Variants in SH3TC1 observed in about 807,000 individuals in gnomAD.
SH3TC1 encodes the protein SH3 domain and tetratricopeptide repeat-containing protein 1.
In SH3TC1, 135 loss-of-function variants were observed where a neutral mutation model predicts 117.3. The observed-to-expected ratio is 1.15, with a 90% CI of 1.00 to 1.33. SH3TC1 has a LOEUF of 1.33. SH3TC1 is among the 40% of genes most tolerant of loss of function. SH3TC1 has a pLI of 0.00. For synonymous variants in SH3TC1, 898 were observed against 816.9 expected (o/e 1.10, Z -1.69); for missense variants, 2,092 against 1,794.3 (o/e 1.17, Z -3.00).
In SH3TC1 at chr4:8,190,048, G is replaced by A. The variant is rs1033190864; in HGVS notation, c.-57+7838G>A. On this transcript the variant is annotated intron_variant, in intron 1 of 16. Transcript: ENST00000508641. This position sits in a 1 kb window ranked among gnomAD's most constrained non-coding sequence, Gnocchi z 4.7. ...GAGCGCGGCGTGGGTGCGTTGATGC[G>A]AGGCCAGGAAGTAGGGCCTGGAAAG... 4.6e-5 allele frequency among the ~76,000 whole-genome samples: 7 copies of A among 152,218 alleles called. No homozygotes were observed. Among genetic ancestry groups the A allele is most frequent in the Non-Finnish European group, 8.8e-5 (6 of 68,036 alleles).
intron 8 of SH3TC1, 130 bp downstream of exon 8, chr4:8,218,477 G>A: frequency 1.6e-6 from 1 of 613,934 alleles, no homozygotes; most frequent in Admixed American, 3.2e-5. Context: ...AAGAGTAATT[G>A]TGGTTTTTGT....
upstream of SH3TC1, among the ~76,000 whole-genome samples, chr4:8,195,384 C>T (rs1257371109): frequency 1.3e-5 from 2 of 152,156 alleles, no homozygotes; most frequent in African/African-American, 2.4e-5. Context: ...GCTGTGTGTG[C>T]TTCTGCCCCA....
rs149929488 is a variant in SH3TC1 at position 8,228,482 on chromosome 4, G to A, written c.2788G>A (p.Val930Met). Reference protein sequence around the residue: ...RLAQHYLLEAVRLFSRLPLGE... With the variant: ...RLAQHYLLEAMRLFSRLPLGE... ...GGCCCAGCACTACCTCCTGGAGGCC[G>A]TGCGGCTGTTCTCGAGGCTGCCCCT... is the stretch of plus-strand genomic sequence containing the variant. Residue 930 changes from valine (V) to methionine (M), a missense_variant, in exon 12 of 18, where the codon GTG (valine) becomes ATG (methionine). Val to Met is a conservative substitution (Grantham distance 21). Coordinates refer to ENST00000245105, the MANE Select transcript of SH3TC1 (RefSeq NM_018986.5). 59 of 1,610,296 alleles carry A rather than the reference G, an allele frequency of 3.7e-5. 1 individual carries two copies. The Admixed American group carries it at 3.8e-4, about 10-fold the overall frequency.
Position 8,228,124 on chromosome 4 carries a change from G to T in SH3TC1, c.2430G>T (p.Thr810=), listed in dbSNP as rs759285665. The T allele has an allele frequency of 8.0e-5, 129 of 1,611,976 alleles. 1 individual carries two copies. The Admixed American group carries it at 2.0e-3, about 24-fold the overall frequency. ...GCHGPAITFM[T]QAVEASAIAG... is the part of the protein sequence containing the mutation. ...ACGGCCCGGCCATCACCTTCATGAC[G>T]CAGGCAGTGGAAGCCAGTGCTATTG... Residue 810 remains threonine, a synonymous_variant, in exon 12 of 18, where the codon ACG becomes ACT. Transcript: ENST00000245105.
At chr4:8,198,534 C>T (rs1717637466), upstream of SH3TC1, among the ~76,000 whole-genome samples, 1 of 152,242 alleles carries the variant, frequency 6.6e-6, no homozygotes, top group Non-Finnish European at 1.5e-5. Context: ...TCCCAGCTGA[C>T]GTGAGCCCAG....
chr4:8,191,922 T>C (rs11937992), intron 1 of SH3TC1, among the ~76,000 whole-genome samples: 3,851 of 152,196 alleles, frequency 0.025, 113 homozygotes, highest in African/African-American at 0.072. Context: ...CCGGCCGGGC[T>C]GTGTTTTCCA....
intron 1 of SH3TC1, among the ~76,000 whole-genome samples, chr4:8,202,376 C>T (rs568870073): frequency 6.6e-5 from 10 of 152,232 alleles, no homozygotes; most frequent in Non-Finnish European, 1.2e-4. Context: ...CTGTGTTCTG[C>T]GTCCGCAGTT....
Position 8,186,032 on chromosome 4 carries a change from C to G in SH3TC1, c.-57+3822C>G, listed in dbSNP as rs1717209966. 6.6e-6 allele frequency among the ~76,000 whole-genome samples: 1 copy of G among 152,192 alleles called. No individual in the cohort carries two copies. Among genetic ancestry groups the G allele is most frequent in the African/African-American group, 2.4e-5 (1 of 41,434 alleles). ...ACAGGGGGACATTGAGCAACATTTCCTACATTTTACGGTGATAGGCAGGAG... is the reference window on the plus strand; with the variant it reads ...ACAGGGGGACATTGAGCAACATTTCGTACATTTTACGGTGATAGGCAGGAG... On this transcript the variant is annotated intron_variant, in intron 1 of 16. Transcript: ENST00000508641. The surrounding 1 kb of genome is among the most constrained non-coding windows in gnomAD (Gnocchi z 5.2).
At position 8,237,528 on chromosome 4, in the gene SH3TC1, G is replaced by T. The variant is rs373290723; in HGVS notation, c.3611G>T (p.Arg1204Leu). 6.2e-7 allele frequency: 1 copy of T among 1,608,094 alleles called. No homozygotes were observed. Among genetic ancestry groups the T allele is most frequent in the Admixed American group, 1.7e-5 (1 of 59,464 alleles). ...AYHRLAALQHRLGHGELAEHF... is the reference protein window; with the variant it reads ...AYHRLAALQHLLGHGELAEHF... Reference sequence around the variant, plus strand: ...CACCGGCTGGCCGCCCTGCAACACCGACTGGGCCATGGCGAGCTGGCAGAG... The same window carrying T: ...CACCGGCTGGCCGCCCTGCAACACCTACTGGGCCATGGCGAGCTGGCAGAG... Residue 1204 changes from arginine to leucine, a missense_variant, in exon 17 of 18, where the codon CGA becomes CTA. Transcript: ENST00000245105.
In SH3TC1 at chr4:8,215,982, G is replaced by C. The variant is rs1316926453; in HGVS notation, c.482-129G>C. On this transcript the variant is annotated intron_variant, in intron 5 of 17. Coordinates refer to ENST00000245105, the MANE Select transcript of SH3TC1 (RefSeq NM_018986.5). ...CCAGCACTGTGGGCACCCCAGGGCAGGTGGGTGTCTTCCATGGTCTCCCTG... is the reference window on the plus strand; with the variant it reads ...CCAGCACTGTGGGCACCCCAGGGCACGTGGGTGTCTTCCATGGTCTCCCTG... 22 of 1,165,356 alleles carry C rather than the reference G, an allele frequency of 1.9e-5. No homozygotes were observed. The South Asian group carries it at 3.3e-4, about 18-fold the overall frequency. 72.2% of individuals were successfully genotyped at this position (1,165,356 alleles called of 1,614,324 possible).
At position 8,235,463 on chromosome 4, in the gene SH3TC1, G is replaced by A. The variant is rs1238730972; in HGVS notation, c.3313G>A (p.Asp1105Asn). The A allele has an allele frequency of 8.2e-6, 13 of 1,595,016 alleles. No individual in the cohort carries two copies. Among genetic ancestry groups the A allele is most frequent in the Admixed American group, 5.2e-5 (3 of 57,322 alleles). Residue 1105 changes from aspartate to asparagine, a missense_variant, in exon 15 of 18, where the codon GAC becomes AAC. Asp to Asn is a conservative substitution (Grantham distance 23, BLOSUM62 1). Coordinates refer to ENST00000245105, the MANE Select transcript of SH3TC1 (RefSeq NM_018986.5). ...VAQNVALYTG[D>N]PNLGLELFEA... ...ACAGAACGTGGCCCTGTACACAGGC[G>A]ACCCCAACCTGGGGCTGGAGCTGTT...
chr4:8,192,103 C>T lies in SH3TC1; in HGVS notation c.-57+9893C>T, dbSNP rs1435972257. ...CTCCCAGGTTCAAGTGATTCTCTCACCTCTGCCTCCCAAGTAGCTAAGATT... is the reference window on the plus strand; with the variant it reads ...CTCCCAGGTTCAAGTGATTCTCTCATCTCTGCCTCCCAAGTAGCTAAGATT... On this transcript the variant is annotated intron_variant, in intron 1 of 16. Transcript: ENST00000508641. The surrounding 1 kb of genome is among the most constrained non-coding windows in gnomAD (Gnocchi z 4.1). Among the ~76,000 whole-genome samples, 1 of 152,068 alleles carries T rather than the reference C, an allele frequency of 6.6e-6. No individual in the cohort carries two copies. The highest frequency in any genetic ancestry group is 2.1e-4 in the South Asian group (1 of 4,814).
chr4:8,202,037 C>T (rs897428303), intron 1 of SH3TC1, among the ~76,000 whole-genome samples: 8 of 152,164 alleles, frequency 5.3e-5, no homozygotes, highest in Non-Finnish European at 1.2e-4. Flanking sequence ...GCTCGCATGC[C>T]CAGGGAGTGG....
In SH3TC1 at chr4:8,227,663, G is replaced by T; in HGVS notation, c.1969G>T (p.Gly657Cys). ...GCAGCTGGCGCTGCGGCGGGCGGTG[G>T]GTGGCCAGAGCCTGCAGGCCGAGGC... Reference protein sequence around the residue: ...LLQLALRRAVGGQSLQAEARA... With the variant: ...LLQLALRRAVCGQSLQAEARA... The change falls in exon 12 of 18, where the codon GGT (glycine) becomes TGT (cysteine). Residue 657 changes from glycine (G) to cysteine (C), a missense_variant. Gly to Cys is a radical substitution (Grantham distance 159, BLOSUM62 -3). Coordinates refer to ENST00000245105, the MANE Select transcript of SH3TC1 (RefSeq NM_018986.5). The T allele has an allele frequency of 2.6e-6, 4 of 1,530,272 alleles. No individual in the cohort carries two copies. Among genetic ancestry groups the T allele is most frequent in the Non-Finnish European group, 3.5e-6 (4 of 1,140,158 alleles). The allele number at this position is 1,530,272 out of a possible 1,614,324, so 94.8% of individuals were successfully genotyped here. A position where few individuals can be genotyped will look rare whatever the true frequency, so the allele number is the denominator to read the frequency against.
chr4:8,230,493 T>C (rs1359696606), intron 12 of SH3TC1, among the ~76,000 whole-genome samples: 1 of 152,126 alleles, frequency 6.6e-6, no homozygotes, highest in Non-Finnish European at 1.5e-5. Context: ...GGTGAAAGAT[T>C]TGTCAATTTT....
intron 5 of SH3TC1, 125 bp from the exon 6 acceptor site, chr4:8,215,986 G>C (rs1719227552): frequency 8.4e-7 from 1 of 1,191,306 alleles, no homozygotes. Flanking sequence ...AGGGCAGGTG[G>C]GTGTCTTCCA....
intron 6 of SH3TC1, 70 bp downstream of exon 6, chr4:8,216,327 C>G: frequency 6.4e-7 from 1 of 1,552,484 alleles, no homozygotes; most frequent in Non-Finnish European, 8.7e-7. Context: ...GGGTGACAGC[C>G]TGGATCCCGC....
chr4:8,227,310 T>C lies in SH3TC1; in HGVS notation c.1616T>C (p.Leu539Pro), dbSNP rs1720563417. ...CGCAGCTTCAGCGACGAGGAGGAGC[T>C]GACTGGGCGCCTGGCACAGGCCCGG... ...VFRSFSDEEE[L>P]TGRLAQARGA... Residue 539 changes from leucine to proline, a missense_variant, in exon 12 of 18, where the codon CTG becomes CCG. Physicochemically the swap from Leu to Pro is moderately conservative, Grantham distance 98. Transcript: ENST00000245105. The C allele has an allele frequency of 1.2e-6, 2 of 1,610,338 alleles. No homozygotes were observed. The highest frequency in any genetic ancestry group is 2.2e-5 in the East Asian group (1 of 44,840).
At chr4:8,211,126 C>CTGGT (rs1426253913) in intron 3 of SH3TC1, among the ~76,000 whole-genome samples, 47 of 113,242 alleles carry the variant, frequency 4.2e-4, no homozygotes, top group African/African-American at 1.5e-3. Flanking sequence ...CTTCCCCCTC[C>CTGGT]TGGTTTCTCC....
Sources: allele counts gnomAD v4.1 joint callset (sites outside exome capture counted in the v4.1 genomes callset), GRCh38; gene constraint gnomAD v4.1.1; non-coding constraint Gnocchi (gnomAD v3.1); transcripts MANE v1.5; gene names NCBI Gene and HGNC (gene_info 2026-07-23, HGNC 2026-07-21).